Variants in DENND1A observed in about 807,000 individuals in gnomAD.
The protein encoded by DENND1A is DENN domain-containing protein 1A.
Under a neutral mutation model 113.7 loss-of-function variants are expected in DENND1A, and 51 were observed. That is an observed-to-expected ratio of 0.45 (90% CI 0.36 to 0.57). The LOEUF (loss-of-function observed/expected upper bound fraction) is 0.57, where lower values mean the gene tolerates loss of function less well. Ranked by LOEUF, DENND1A falls within the 20% of genes least tolerant of loss-of-function variation. DENND1A has a pLI of 0.00. For missense variants in DENND1A, 1,258 were observed against 1,395.9 expected (o/e 0.90, Z 1.57); for synonymous variants, 565 against 570.8 (o/e 0.99, Z 0.14).
chr9:123,732,250 T>C (rs976557331), intron 5 of DENND1A, among the ~76,000 whole-genome samples: 1 of 152,246 alleles, frequency 6.6e-6, no homozygotes, highest in African/African-American at 2.4e-5. Flanking sequence ...CAAATGTTTG[T>C]AACAGTTTTA....
chr9:123,572,126 C>A (rs898176339), intron 12 of DENND1A, among the ~76,000 whole-genome samples: 2 of 152,222 alleles, frequency 1.3e-5, no homozygotes, highest in African/African-American at 4.8e-5. Context: ...CCATCATCCC[C>A]CAAATTTCCC....
intron 13 of DENND1A, among the ~76,000 whole-genome samples, chr9:123,478,491 C>T (rs542951928): frequency 1.3e-5 from 2 of 152,232 alleles, no homozygotes; most frequent in Non-Finnish European, 2.9e-5. Flanking sequence ...GAGTTTCCCT[C>T]CCTCCTTTCC....
Position 123,762,749 on chromosome 9 carries a change from C to T in DENND1A, c.183-4927G>A, listed in dbSNP as rs137943718. Among the ~76,000 whole-genome samples the T allele has an allele frequency of 1.2e-3, 184 of 152,110 alleles. 2 individuals are homozygous for T. Among genetic ancestry groups the T allele is most frequent in the East Asian group, 6.4e-3 (33 of 5,182 alleles). Reference sequence around the variant, plus strand: ...TGGTATTACAAAACCAAAGAAGAAACGAAGATAGAGGAAAATGGAAGGGAA... The same window carrying T: ...TGGTATTACAAAACCAAAGAAGAAATGAAGATAGAGGAAAATGGAAGGGAA... On this transcript the variant is annotated intron_variant, in intron 4 of 23. Coordinates refer to ENST00000394215, the MANE Select transcript of DENND1A (RefSeq NM_001352964.2).
intron 13 of DENND1A, among the ~76,000 whole-genome samples, chr9:123,546,033 C>T (rs2056652485): frequency 6.6e-6 from 1 of 152,136 alleles, no homozygotes; most frequent in South Asian, 2.1e-4. Context: ...CAGCTTAATC[C>T]ATGACTATAG....
chr9:123,463,896 G>A lies in DENND1A; in HGVS notation c.994-5999C>T, dbSNP rs188730971. On this transcript the variant is annotated intron_variant, in intron 13 of 23. Transcript: ENST00000394215. ...TGCACTCCAGCCTGGGAGACAGAGC[G>A]AGACTCCAGCTCAAAAAAAAAAAAA... Among the ~76,000 whole-genome samples the A allele has an allele frequency of 1.6e-3, 201 of 126,064 alleles. 1 individual carries two copies. Among genetic ancestry groups the A allele is most frequent in the African/African-American group, 6.0e-3 (196 of 32,546 alleles). 82.7% of individuals were successfully genotyped at this position (126,064 alleles called of 152,430 possible).
intron 13 of DENND1A, among the ~76,000 whole-genome samples, chr9:123,515,448 C>T (rs548711606): frequency 3.3e-5 from 5 of 152,038 alleles, no homozygotes; most frequent in Middle Eastern, 6.8e-3. Flanking sequence ...AAAATGGTTC[C>T]GCAAAAATAA....
At chr9:123,549,045 G>A (rs150315317) in intron 13 of DENND1A, among the ~76,000 whole-genome samples, 27 of 152,274 alleles carry the variant, frequency 1.8e-4, no homozygotes, top group Admixed American at 4.6e-4. Context: ...ACTTAACAAT[G>A]GTTAAAATAG....
At chr9:123,896,918 G>C (rs1411257152) in intron 1 of DENND1A, among the ~76,000 whole-genome samples, 1 of 152,174 alleles carries the variant, frequency 6.6e-6, no homozygotes, top group Admixed American at 6.5e-5. Flanking sequence ...ATGAGACATA[G>C]CCAACAGCTG....
intron 23 of DENND1A, 96 bp from the exon 24 acceptor site, chr9:123,382,721 G>A: frequency 3.8e-6 from 5 of 1,326,682 alleles, no homozygotes; most frequent in South Asian, 2.6e-5. Context: ...AATGTGTGCT[G>A]GGCCTAGTTG....
chr9:123,611,348 C>T (rs1464464242), intron 10 of DENND1A, among the ~76,000 whole-genome samples: 42 of 152,142 alleles, frequency 2.8e-4, no homozygotes. Context: ...CTCTGCTGTC[C>T]AAGCTTTTTC....
intron 13 of DENND1A, among the ~76,000 whole-genome samples, chr9:123,479,358 T>C (rs746793394): frequency 6.6e-6 from 1 of 152,256 alleles, no homozygotes; most frequent in Non-Finnish European, 1.5e-5. Flanking sequence ...ATTATAGCCA[T>C]GCTTTTCAGC....
intron 4 of DENND1A, among the ~76,000 whole-genome samples, chr9:123,765,669 C>T (rs1421495769): frequency 6.6e-6 from 1 of 152,158 alleles, no homozygotes; most frequent in Non-Finnish European, 1.5e-5. Context: ...GTCTCAAGTG[C>T]TTTGAGTAAC....
intron 13 of DENND1A, 41 bp downstream of exon 13, chr9:123,557,529 C>CT: frequency 6.2e-7 from 1 of 1,609,200 alleles, no homozygotes; most frequent in Non-Finnish European, 8.5e-7. Flanking sequence ...CTTCTCAGCC[C>CT]TGACCAAACA....
At chr9:123,395,279 G>C (rs1036087422) in intron 21 of DENND1A, among the ~76,000 whole-genome samples, 3 of 152,062 alleles carry the variant, frequency 2.0e-5, no homozygotes, top group African/African-American at 7.3e-5. Context: ...CCTCTGATTT[G>C]CCAGGCAGAA....
intron 9 of DENND1A, among the ~76,000 whole-genome samples, chr9:123,644,933 A>T (rs1471309380): frequency 3.3e-5 from 5 of 152,210 alleles, no homozygotes; most frequent in African/African-American, 1.2e-4. Context: ...AGTTCCAAAA[A>T]GCAGTATGAA....
rs148195699 is a variant in DENND1A, at chr9:123,917,192, AAAC to A, written c.17+12694_17+12696del. Among the ~76,000 whole-genome samples the A allele has an allele frequency of 1.2e-4, 18 of 152,086 alleles. 1 individual carries two copies. Among genetic ancestry groups the A allele is most frequent in the South Asian group, 1.0e-3 (5 of 4,828 alleles). On this transcript the variant is annotated intron_variant, in intron 1 of 23. Transcript: ENST00000394215. ...GAGCAAGACCCTGTCTCAAAAAACA[AAAC>A]AACAACAACAACAAAAAACTAACTT...
At chr9:123,846,022 A>G (rs1842567298) in intron 2 of DENND1A, among the ~76,000 whole-genome samples, 1 of 152,160 alleles carries the variant, frequency 6.6e-6, no homozygotes. Context: ...TAACCTGGTA[A>G]TTTTTTAAAC....
intron 2 of DENND1A, among the ~76,000 whole-genome samples, chr9:123,875,446 T>A (rs1847307710): frequency 6.6e-6 from 1 of 152,214 alleles, no homozygotes; most frequent in Non-Finnish European, 1.5e-5. Flanking sequence ...CCTGCCATAA[T>A]AAATATACCT....
At chr9:123,561,453 A>T (rs931451580) in intron 12 of DENND1A, among the ~76,000 whole-genome samples, 15 of 152,126 alleles carry the variant, frequency 9.9e-5, no homozygotes, top group African/African-American at 3.4e-4. Flanking sequence ...TTTTGTCTTG[A>T]CCTGCCAGCA....
Sources: gnomAD v4.1 joint callset for allele counts (sites outside exome capture counted in the v4.1 genomes callset) on GRCh38, gnomAD v4.1.1 for gene constraint, MANE v1.5 for transcripts, NCBI Gene and HGNC (gene_info 2026-07-23, HGNC 2026-07-21) for gene names.